CGGBP1: variants seen among roughly 807,000 people sequenced by gnomAD.
The protein encoded by CGGBP1 is CGG triplet repeat binding protein 1.
In CGGBP1, 4 loss-of-function variants were observed where a neutral mutation model predicts 11.4. That is an observed-to-expected ratio of 0.35 (90% CI 0.17 to 0.80). The LOEUF is 0.80. CGGBP1 is among the 30% of genes least tolerant of loss of function. The pLI is 0.52. For missense variants in CGGBP1, 135 were observed against 202.1 expected, an observed-to-expected ratio of 0.67 and a Z score of 2.01; for synonymous variants, 76 against 74.1, an observed-to-expected ratio of 1.03 and a Z score of -0.13.
chr3:88,097,757 A>C (rs1704150196), intron 2 of CGGBP1, among the ~76,000 whole-genome samples: 1 of 152,244 alleles, frequency 6.6e-6, no homozygotes, highest in South Asian at 2.1e-4. Flanking sequence ...AAATGAATGC[A>C]GAAATAAAGA....
At chr3:88,105,012 C>T (rs6796355) in intron 2 of CGGBP1, among the ~76,000 whole-genome samples, 119,099 of 151,974 alleles carry the variant, frequency 0.78, 47,569 homozygotes, top group South Asian at 0.91. Flanking sequence ...TGGTGGCGCG[C>T]GCCTGTAATC....
At chr3:88,128,499 G>A (rs1182703701) in intron 2 of CGGBP1, among the ~76,000 whole-genome samples, 2 of 151,638 alleles carry the variant, frequency 1.3e-5, no homozygotes, top group African/African-American at 2.4e-5. Context: ...CATGTTACTT[G>A]GAACATATTT....
chr3:88,091,450 A>G (rs998106337), intron 2 of CGGBP1, among the ~76,000 whole-genome samples: 1 of 152,188 alleles, frequency 6.6e-6, no homozygotes, highest in Non-Finnish European at 1.5e-5. Flanking sequence ...TTCAGTGCCT[A>G]TTGGAATTTT....
chr3:88,064,334 A>C (rs1707074008), intron 2 of CGGBP1, among the ~76,000 whole-genome samples: 1 of 152,004 alleles, frequency 6.6e-6, no homozygotes, highest in African/African-American at 2.4e-5. Flanking sequence ...TATTGATCTC[A>C]CTATTGAGCA....
At chr3:88,122,818 T>G (rs1205894431) in intron 2 of CGGBP1, among the ~76,000 whole-genome samples, 1 of 152,002 alleles carries the variant, frequency 6.6e-6, no homozygotes, top group Non-Finnish European at 1.5e-5. Context: ...GATACCAGCC[T>G]GGCCAGCATG....
rs1490025188 is a variant in CGGBP1 at position 88,053,881 on chromosome 3, A to ACAG, written c.*1591_*1592insCTG. 3 of 152,554 alleles carry ACAG rather than the reference A, an allele frequency of 2.0e-5. No homozygotes were observed. Among genetic ancestry groups the ACAG allele is most frequent in the African/African-American group, 7.2e-5 (3 of 41,430 alleles). The allele number at this position is 152,554 out of a possible 1,614,324, so 9.5% of individuals were successfully genotyped here. On this transcript the variant is annotated 3_prime_UTR_variant, in exon 4 of 4. Coordinates refer to ENST00000482016, the MANE Select transcript of CGGBP1 (RefSeq NM_001008390.2). ...TTATCATACTACTTTAACATAACTG[A>ACAG]ACATGAGGAAAACAGTTCACATTTT...
At chr3:88,090,600 A>C (rs1250085316) in intron 2 of CGGBP1, among the ~76,000 whole-genome samples, 2 of 151,098 alleles carry the variant, frequency 1.3e-5, no homozygotes, top group African/African-American at 2.4e-5. Context: ...TATAGCCTAC[A>C]TATACAGTGT....
At chr3:88,127,677 G>C (rs570091733) in intron 2 of CGGBP1, among the ~76,000 whole-genome samples, 10 of 152,246 alleles carry the variant, frequency 6.6e-5, no homozygotes, top group Non-Finnish European at 1.5e-4. Context: ...GGCTTCACTC[G>C]TAGGATCTAG....
At position 88,140,458 on chromosome 3, in the gene CGGBP1, G is replaced by A. The variant is rs542702882; in HGVS notation, c.-229+512C>T. The A allele has an allele frequency of 1.5e-5, 24 of 1,613,626 alleles. No individual in the cohort carries two copies. The highest frequency in any genetic ancestry group is 1.6e-4 in the Middle Eastern group (1 of 6,062). ...ACAGAACCAAAGACATGTATAGAAA[G>A]TATGGAAAAGAAAACAGACAGTTTA... On this transcript the variant is annotated intron_variant, in intron 2 of 3. Coordinates refer to the CGGBP1 transcript ENST00000462901.
chr3:88,059,191 C>G, upstream of CGGBP1: 3 of 1,436,716 alleles, frequency 2.1e-6, no homozygotes, highest in South Asian at 2.9e-5. Flanking sequence ...AGAGCCCAGC[C>G]GAGAGGCCCC....
chr3:88,122,565 G>T (rs1434351416), intron 2 of CGGBP1, among the ~76,000 whole-genome samples: 4 of 152,038 alleles, frequency 2.6e-5, no homozygotes, highest in African/African-American at 9.7e-5. Flanking sequence ...CTCTACCTTT[G>T]GCCAAGACAC....
At chr3:88,099,406 G>A (rs1704265015) in intron 2 of CGGBP1, among the ~76,000 whole-genome samples, 1 of 152,134 alleles carries the variant, frequency 6.6e-6, no homozygotes, top group Non-Finnish European at 1.5e-5. Flanking sequence ...ACTGCCCAAG[G>A]TAATTTATAG....
intron 2 of CGGBP1, among the ~76,000 whole-genome samples, chr3:88,107,495 T>C (rs1214709200): frequency 6.6e-6 from 1 of 152,190 alleles, no homozygotes; most frequent in Non-Finnish European, 1.5e-5. Flanking sequence ...TTTATCTCTA[T>C]TGGCATTTTC....
upstream of CGGBP1, chr3:88,059,024 T>A (rs555398096): frequency 1.5e-4 from 67 of 448,678 alleles, no homozygotes; most frequent in African/African-American, 2.5e-4. Flanking sequence ...CCGTAGGCGG[T>A]CCCCAGCAAC....
chr3:88,053,720 G>C lies in CGGBP1; in HGVS notation c.*1753C>G, dbSNP rs550299895. ...CTAGCTTCTAAAATCTACCATCTTAGATAGTTCAAATTAAACATGGTTGCC... is the reference window on the plus strand; with the variant it reads ...CTAGCTTCTAAAATCTACCATCTTACATAGTTCAAATTAAACATGGTTGCC... On this transcript the variant is annotated 3_prime_UTR_variant, in exon 4 of 4. Transcript: ENST00000482016. The C allele has an allele frequency of 6.6e-6, 1 of 152,570 alleles. No individual in the cohort carries two copies. Among genetic ancestry groups the C allele is most frequent in the South Asian group, 2.1e-4 (1 of 4,826 alleles). The allele number at this position is 152,570 out of a possible 1,614,324, so 9.5% of individuals were successfully genotyped here. A position where few individuals can be genotyped will look rare whatever the true frequency, so the allele number is the denominator to read the frequency against.
chr3:88,144,238 AACC>A (rs1707253280), intron 1 of CGGBP1: 1 of 152,276 alleles, frequency 6.6e-6, no homozygotes, highest in African/African-American at 2.4e-5. Context: ...ATTTTTTTGA[AACC>A]ACCAATTATA....
chr3:88,123,638 C>A (rs1022827334), intron 2 of CGGBP1, among the ~76,000 whole-genome samples: 3 of 152,272 alleles, frequency 2.0e-5, no homozygotes, highest in African/African-American at 7.2e-5. Flanking sequence ...TTTCAGCCAA[C>A]TTCAGGAAGT....
At chr3:88,076,432 T>C (rs1180317617) in intron 2 of CGGBP1, among the ~76,000 whole-genome samples, 29 of 152,210 alleles carry the variant, frequency 1.9e-4, no homozygotes, top group Non-Finnish European at 2.9e-5. Context: ...CTTTTTCTTT[T>C]TTGATATCTG....
chr3:88,063,238 G>A (rs1706989051), upstream of CGGBP1, among the ~76,000 whole-genome samples: 1 of 152,208 alleles, frequency 6.6e-6, no homozygotes, highest in South Asian at 2.1e-4. Flanking sequence ...CGGAATATCA[G>A]TAATGCCGAG....
Sources: allele counts gnomAD v4.1 joint callset (sites outside exome capture counted in the v4.1 genomes callset), GRCh38; gene constraint gnomAD v4.1.1; transcripts MANE v1.5; gene names NCBI Gene and HGNC (gene_info 2026-07-23, HGNC 2026-07-21).